The following RGPD2 variants were observed in gnomAD, a reference collection of about 807,000 sequenced individuals.
RGPD2 encodes the protein RANBP2 like and GRIP domain containing 2.
RGPD2 carries 2 observed loss-of-function variants against 36.0 expected under a neutral mutation model. The ratio of observed to expected loss-of-function variants is 0.06; its 90% CI spans 0.02 to 0.17. The LOEUF is 0.17. Among genes scored for constraint, RGPD2 ranks in the 10% least tolerant of loss-of-function variants. The probability of loss-of-function intolerance (pLI) is 1.00; values close to 1 mark genes in which losing one functional copy is unlikely to be tolerated. For synonymous variants in RGPD2, 19 were observed against 163.8 expected (o/e 0.12, Z 6.75); for missense variants, 40 against 464.3 (o/e 0.09, Z 8.40).
chr2:87,876,933 T>C, the RGPD2 span, among the ~76,000 whole-genome samples: 2 of 152,196 alleles, frequency 1.3e-5, no homozygotes, highest in African/African-American at 4.8e-5. Context: ...TTTTCTTGTA[T>C]TGAACATTTT....
At chr2:87,985,762 C>T in the RGPD2 span, 1 of 1,609,762 alleles carries the variant, frequency 6.2e-7, no homozygotes, top group Non-Finnish European at 8.5e-7. Flanking sequence ...GTGTTAAAAC[C>T]CATCACGTTC....
chr2:87,874,197 C>T, the RGPD2 span, among the ~76,000 whole-genome samples: 1 of 137,420 alleles, frequency 7.3e-6, no homozygotes, highest in Admixed American at 7.1e-5. Flanking sequence ...GTTTATTTTC[C>T]TGTGCAGAAG....
At chr2:87,857,561 C>G in the RGPD2 span, among the ~76,000 whole-genome samples, 4 of 149,542 alleles carry the variant, frequency 2.7e-5, no homozygotes, top group South Asian at 8.8e-4. Context: ...CCAGGATGGT[C>G]TCGATCTCCT....
the RGPD2 span, among the ~76,000 whole-genome samples, chr2:87,984,929 CAAAA>C: frequency 1.1e-3 from 74 of 68,668 alleles, 1 homozygote; most frequent in Admixed American, 1.8e-3. Context: ...CATTCTGTCT[CAAAA>C]AAAAAAAAAA....
chr2:87,973,764 G>A, the RGPD2 span, among the ~76,000 whole-genome samples: 1 of 149,544 alleles, frequency 6.7e-6, no homozygotes, highest in Non-Finnish European at 1.5e-5. Flanking sequence ...CTTACTTTGT[G>A]ATCTTGGGAA....
the RGPD2 span, among the ~76,000 whole-genome samples, chr2:87,915,574 A>G: frequency 7.0e-6 from 1 of 143,100 alleles, no homozygotes; most frequent in Admixed American, 7.0e-5. Flanking sequence ...ATACACATAT[A>G]TGTGTGTGTA....
chr2:87,876,654 T>TG, the RGPD2 span, among the ~76,000 whole-genome samples: 1 of 152,294 alleles, frequency 6.6e-6, no homozygotes. Flanking sequence ...GTAAGTGCTG[T>TG]GGGGCAATGA....
At chr2:87,951,442 A>G in the RGPD2 span, among the ~76,000 whole-genome samples, 1 of 152,132 alleles carries the variant, frequency 6.6e-6, no homozygotes, top group Non-Finnish European at 1.5e-5. Context: ...TTACTGGAAA[A>G]TGCCACAGCT....
the RGPD2 span, among the ~76,000 whole-genome samples, chr2:87,877,829 A>AGAAT: frequency 6.6e-6 from 1 of 151,472 alleles, no homozygotes; most frequent in South Asian, 2.1e-4. Context: ...AAAAAAAAAA[A>AGAAT]AAAAAAGAAT....
the RGPD2 span, among the ~76,000 whole-genome samples, chr2:87,983,230 G>T: frequency 2.3e-4 from 35 of 152,330 alleles, no homozygotes; most frequent in Non-Finnish European, 3.8e-4. Context: ...TGAGGCACAA[G>T]AATCGCTCCA....
intron 6 of RGPD2, among the ~76,000 whole-genome samples, chr2:87,807,358 T>C (rs1035250602): frequency 2.7e-5 from 4 of 145,614 alleles, no homozygotes; most frequent in Admixed American, 6.7e-5. Flanking sequence ...TTTTACTATA[T>C]AGATCATTAC....
intron 1 of RGPD2, chr2:87,824,845 G>C (rs1237053479): frequency 1.2e-4 from 4 of 32,430 alleles, no homozygotes; most frequent in African/African-American, 4.2e-4. Flanking sequence ...GCCGCCGCCC[G>C]GCCAGGCCGA....
chr2:87,846,723 G>C, the RGPD2 span, among the ~76,000 whole-genome samples: 1 of 150,768 alleles, frequency 6.6e-6, no homozygotes, highest in Admixed American at 6.6e-5. Context: ...ATGGCTATTA[G>C]CATTTTTTAA....
At chr2:87,909,109 A>C in the RGPD2 span, among the ~76,000 whole-genome samples, 3 of 150,858 alleles carry the variant, frequency 2.0e-5, no homozygotes, top group Admixed American at 6.6e-5. Context: ...TATGATTTGG[A>C]GTTCTCCCAT....
chr2:87,929,163 C>T, the RGPD2 span, among the ~76,000 whole-genome samples: 5 of 151,798 alleles, frequency 3.3e-5, no homozygotes, highest in African/African-American at 4.8e-5. Flanking sequence ...AGTTGTCTTC[C>T]AGGGTTTTTT....
the RGPD2 span, among the ~76,000 whole-genome samples, chr2:87,922,810 G>A: frequency 6.6e-6 from 1 of 152,254 alleles, no homozygotes; most frequent in Non-Finnish European, 1.5e-5. Flanking sequence ...GCAAAGGTTT[G>A]GGCAGAGATG....
chr2:87,944,694 G>T, the RGPD2 span, among the ~76,000 whole-genome samples: 1 of 110,580 alleles, frequency 9.0e-6, no homozygotes, highest in Non-Finnish European at 1.7e-5. Flanking sequence ...ATAAAATGAT[G>T]TCACATTTCT....
At chr2:87,915,816 T>G in the RGPD2 span, among the ~76,000 whole-genome samples, 55,356 of 150,142 alleles carry the variant, frequency 0.37, 10,913 homozygotes, top group African/African-American at 0.51. Flanking sequence ...TAATGCTTGT[T>G]TTCAGTAAAA....
At chr2:87,846,642 A>T in the RGPD2 span, among the ~76,000 whole-genome samples, 2 of 152,142 alleles carry the variant, frequency 1.3e-5, no homozygotes, top group African/African-American at 4.8e-5. Flanking sequence ...AAACTACCAG[A>T]TATATACCAA....
Sources: gnomAD v4.1 joint callset for allele counts (sites outside exome capture counted in the v4.1 genomes callset) on GRCh38, gnomAD v4.1.1 for gene constraint, MANE v1.5 for transcripts, NCBI Gene and HGNC (gene_info 2026-07-23, HGNC 2026-07-21) for gene names.